ZSCAN25: variants seen among roughly 807,000 people sequenced by gnomAD.
The protein encoded by ZSCAN25 is zinc finger and SCAN domain containing 25, also known as zinc finger and SCAN domain-containing protein 25.
In ZSCAN25, 27 loss-of-function variants were observed where a neutral mutation model predicts 38.7. That is an observed-to-expected ratio of 0.70 (90% CI 0.51 to 0.96). The LOEUF is 0.96. Ranked by LOEUF, ZSCAN25 falls within the 40% of genes least tolerant of loss-of-function variation. The pLI, the probability that ZSCAN25 is intolerant of heterozygous loss-of-function variation, is 0.00. For missense variants in ZSCAN25, 637 were observed against 705.9 expected (o/e 0.90, Z 1.11); for synonymous variants, 273 against 277.7 (o/e 0.98, Z 0.17).
chr7:99,631,324 T>A lies in ZSCAN25; in HGVS notation c.*1304T>A, dbSNP rs1183291960. The A allele has an allele frequency of 7.1e-6, 7 of 985,236 alleles. No individual in the cohort carries two copies. The East Asian group carries it at 4.5e-4, about 64-fold the overall frequency. The allele number at this position is 985,236 out of a possible 1,614,324, so 61.0% of individuals were successfully genotyped here. On this transcript the variant is annotated 3_prime_UTR_variant, in exon 8 of 8. Transcript: ENST00000394152. ...CGACCTGTTTTGCATGAGTGCCAAG[T>A]CAGGAAAAATAAAGATATTTGTAGG...
chr7:99,667,090 T>G, the ZSCAN25 span: 1 of 1,596,278 alleles, frequency 6.3e-7, no homozygotes, highest in Non-Finnish European at 8.6e-7. Flanking sequence ...AAACATTTTT[T>G]CTCACATTAG....
chr7:99,633,900 A>G (rs1338374280), downstream of ZSCAN25, among the ~76,000 whole-genome samples: 3 of 152,182 alleles, frequency 2.0e-5, no homozygotes, highest in Non-Finnish European at 2.9e-5. Flanking sequence ...TGGCATGACA[A>G]GATGTTCCAG....
At chr7:99,701,351 C>T in the ZSCAN25 span, among the ~76,000 whole-genome samples, 1 of 152,222 alleles carries the variant, frequency 6.6e-6, no homozygotes, top group Admixed American at 6.5e-5. Flanking sequence ...ACCCATTCAT[C>T]TGTTGATGGA....
chr7:99,635,622 C>T (rs1330502434), downstream of ZSCAN25, among the ~76,000 whole-genome samples: 2 of 152,206 alleles, frequency 1.3e-5, no homozygotes, highest in African/African-American at 2.4e-5. Context: ...AAAATAACCA[C>T]ATCTCACCTG....
the ZSCAN25 span, chr7:99,666,533 C>T: frequency 2.0e-5 from 31 of 1,513,032 alleles, no homozygotes; most frequent in East Asian, 9.1e-5. Context: ...GTGCGACTGT[C>T]GACTCCATGG....
At chr7:99,722,601 G>A in the ZSCAN25 span, among the ~76,000 whole-genome samples, 2 of 152,122 alleles carry the variant, frequency 1.3e-5, no homozygotes, top group Non-Finnish European at 2.9e-5. Flanking sequence ...TAAATACTAA[G>A]TAACTCCTTG....
At chr7:99,707,483 GATA>G in the ZSCAN25 span, among the ~76,000 whole-genome samples, 2 of 152,122 alleles carry the variant, frequency 1.3e-5, no homozygotes, top group Non-Finnish European at 2.9e-5. Flanking sequence ...GTCAAAACAA[GATA>G]ATAAGTGCAC....
the ZSCAN25 span, chr7:99,705,664 TA>T: frequency 3.0e-4 from 469 of 1,557,850 alleles, no homozygotes; most frequent in Middle Eastern, 6.9e-4. Context: ...AGCATCAAAG[TA>T]AAAAAAAATT....
chr7:99,674,284 T>C, the ZSCAN25 span: 2 of 365,814 alleles, frequency 5.5e-6, no homozygotes, highest in Non-Finnish European at 9.8e-6. Flanking sequence ...ATTCTTCTCA[T>C]ATTTTCTATG....
the ZSCAN25 span, chr7:99,684,883 G>T: frequency 3.4e-6 from 1 of 294,336 alleles, no homozygotes; most frequent in Admixed American, 4.7e-5. Context: ...GGGTGGCTGA[G>T]ATTGTCCTGT....
chr7:99,722,915 A>C, the ZSCAN25 span, among the ~76,000 whole-genome samples: 1 of 152,206 alleles, frequency 6.6e-6, no homozygotes, highest in Non-Finnish European at 1.5e-5. Context: ...AGAATGACAA[A>C]GTGGACTCGC....
chr7:99,666,787 G>T, the ZSCAN25 span: 6 of 1,599,418 alleles, frequency 3.8e-6, no homozygotes, highest in Admixed American at 1.0e-4. Flanking sequence ...GTGACATTTT[G>T]TAATGAATTT....
chr7:99,691,670 A>G, the ZSCAN25 span, among the ~76,000 whole-genome samples: 1 of 151,634 alleles, frequency 6.6e-6, no homozygotes, highest in Non-Finnish European at 1.5e-5. Context: ...GTCTTTTTTG[A>G]TCTTTGTTGG....
the ZSCAN25 span, among the ~76,000 whole-genome samples, chr7:99,677,440 C>T: frequency 1.3e-5 from 2 of 152,180 alleles, no homozygotes; most frequent in Non-Finnish European, 2.9e-5. Context: ...CAGGTACTTT[C>T]CTGTTGATAG....
chr7:99,689,275 C>T, the ZSCAN25 span, among the ~76,000 whole-genome samples: 1 of 151,812 alleles, frequency 6.6e-6, no homozygotes, highest in Non-Finnish European at 1.5e-5. Flanking sequence ...GCTAGCAAGA[C>T]TAATAAAGAA....
At chr7:99,685,385 A>G in the ZSCAN25 span, 4 of 1,028,570 alleles carry the variant, frequency 3.9e-6, no homozygotes, top group Non-Finnish European at 4.3e-6. Context: ...GTAAAGCAAG[A>G]CAAAGATGTT....
At chr7:99,676,265 C>T in the ZSCAN25 span, 1 of 1,608,804 alleles carries the variant, frequency 6.2e-7, no homozygotes, top group Non-Finnish European at 8.5e-7. Context: ...GATCAGAGGG[C>T]TGGTGAGTTA....
the ZSCAN25 span, among the ~76,000 whole-genome samples, chr7:99,736,373 A>C: frequency 6.6e-6 from 1 of 152,156 alleles, no homozygotes; most frequent in East Asian, 1.9e-4. Context: ...ATTCAAAGCA[A>C]ATGGCTTCCT....
At chr7:99,715,880 A>T in the ZSCAN25 span, 3 of 1,613,884 alleles carry the variant, frequency 1.9e-6, no homozygotes, top group Non-Finnish European at 1.7e-6. Flanking sequence ...GCTAGTGATC[A>T]CATCCATGCT....
Sources: gnomAD v4.1 joint callset for allele counts (sites outside exome capture counted in the v4.1 genomes callset) on GRCh38, gnomAD v4.1.1 for gene constraint, MANE v1.5 for transcripts, NCBI Gene and HGNC (gene_info 2026-07-23, HGNC 2026-07-21) for gene names.